HK1: variants seen among roughly 807,000 people sequenced by gnomAD.
The protein encoded by HK1 is hexokinase-1.
A neutral mutation model predicts 91.6 loss-of-function variants in HK1; 28 were observed. The ratio of observed to expected loss-of-function variants is 0.31; its 90% confidence interval spans 0.23 to 0.42. The LOEUF (loss-of-function observed/expected upper bound fraction) is 0.42, where lower values mean the gene tolerates loss of function less well. HK1 is among the 10% of genes least tolerant of loss of function. The pLI, the probability that HK1 is intolerant of heterozygous loss-of-function variation, is 1.00. For missense variants in HK1, 770 were observed against 1,219.8 expected, an observed-to-expected ratio of 0.63 and a Z score of 5.49; for synonymous variants, 430 against 468.1, an observed-to-expected ratio of 0.92 and a Z score of 1.05.
At chr10:69,329,517 C>G (rs1320832662) in intron 1 of HK1, among the ~76,000 whole-genome samples, 3 of 152,056 alleles carry the variant, frequency 2.0e-5, no homozygotes, top group Admixed American at 1.3e-4. Flanking sequence ...CTTGGAAAAC[C>G]CCTGCTTTTA....
intron 1 of HK1, among the ~76,000 whole-genome samples, chr10:69,272,143 C>T (rs576823026): frequency 7.9e-5 from 12 of 152,282 alleles, no homozygotes; most frequent in East Asian, 3.9e-4. Flanking sequence ...GGATTATAGG[C>T]GTGAACCACT....
chr10:69,375,815 C>G (rs998360885), intron 7 of HK1, among the ~76,000 whole-genome samples: 1 of 152,210 alleles, frequency 6.6e-6, no homozygotes, highest in Non-Finnish European at 1.5e-5. Flanking sequence ...TGGCATCGAG[C>G]CCTGGTTCTT....
rs574365325 is a variant in HK1, at chr10:69,340,746, GCAGA to G, written c.64-3078_64-3075del. On this transcript the variant is annotated intron_variant, in intron 1 of 17. Coordinates refer to ENST00000359426, the MANE Select transcript of HK1 (RefSeq NM_000188.3). The stretch of plus-strand genomic sequence containing the variant: ...CGCTTGCTCCTCCATTCTCCACGCA[GCAGA>G]CACACAACTCTCATCATGGTTGTAA... Among the ~76,000 whole-genome samples, 31 of 152,210 alleles carry G rather than the reference GCAGA, an allele frequency of 2.0e-4. No homozygotes were observed. In the East Asian group the frequency reaches 5.6e-3, roughly 27 times the overall value.
chr10:69,310,832 G>C (rs549918054), upstream of HK1, among the ~76,000 whole-genome samples: 21 of 152,046 alleles, frequency 1.4e-4, no homozygotes, highest in Non-Finnish European at 2.6e-4. Flanking sequence ...TGTGGCAGGC[G>C]GATCACCTGA....
chr10:69,347,306 C>T (rs571540672), intron 2 of HK1, among the ~76,000 whole-genome samples: 7 of 151,930 alleles, frequency 4.6e-5, no homozygotes, highest in Admixed American at 1.3e-4. Flanking sequence ...CTACTGCGCC[C>T]GGCCACACAT....
intron 1 of HK1, among the ~76,000 whole-genome samples, chr10:69,328,691 T>G (rs568737615): frequency 1.4e-4 from 22 of 152,204 alleles, no homozygotes; most frequent in Non-Finnish European, 2.9e-4. Flanking sequence ...AGTGTACAAT[T>G]CAGTGGTTTC....
chr10:69,364,472 A>G (rs7909192), intron 3 of HK1, among the ~76,000 whole-genome samples: 112,346 of 151,956 alleles, frequency 0.74, 42,744 homozygotes, highest in East Asian at 0.94. Context: ...CTGGTTTTCT[A>G]TTATTTTTCC....
At position 69,392,213 on chromosome 10, in the gene HK1, G is replaced by C; in HGVS notation, c.2124G>C (p.Glu708Asp). ...AGGGGCAGATGTGCATCAACATGGA[G>C]TGGGGGGCCTTTGGGGACAACGGGT... ...GDQGQMCINM[E>D]WGAFGDNGCL... Residue 708 changes from glutamate (E) to aspartate (D), a missense_variant, in exon 15 of 18, where the codon GAG becomes GAC. Physicochemically the swap from Glu to Asp is conservative, Grantham distance 45. Transcript: ENST00000359426. The C allele has an allele frequency of 3.7e-6, 6 of 1,614,212 alleles. No homozygotes were observed. Among genetic ancestry groups the C allele is most frequent in the Non-Finnish European group, 4.2e-6 (5 of 1,180,036 alleles).
intron 1 of HK1, among the ~76,000 whole-genome samples, chr10:69,339,241 G>A (rs1433105891): frequency 6.6e-6 from 1 of 152,242 alleles, no homozygotes; most frequent in Non-Finnish European, 1.5e-5. Flanking sequence ...CCAGGTGCCT[G>A]CCTGGCTGGG....
In HK1 at chr10:69,343,856, C is replaced by T; in HGVS notation, c.93C>T (p.Leu31=). ...ACAAGTATCTCTATGCCATGCGGCT[C>T]TCCGATGAAACTCTCATAGATATCA... is the stretch of plus-strand genomic sequence containing the variant. The part of the protein sequence containing the change: ...KIDKYLYAMR[L]SDETLIDIMT... Residue 31 remains leucine, a synonymous_variant, in exon 2 of 18, where the codon CTC becomes CTT. Transcript: ENST00000359426. The T allele has an allele frequency of 8.1e-6, 13 of 1,613,956 alleles. No homozygotes were observed. The highest frequency in any genetic ancestry group is 1.1e-5 in the Non-Finnish European group (13 of 1,179,848).
intron 5 of HK1, among the ~76,000 whole-genome samples, chr10:69,308,494 A>C (rs1171976249): frequency 1.3e-5 from 2 of 152,120 alleles, no homozygotes; most frequent in East Asian, 3.9e-4. Context: ...TGGGGGCTGC[A>C]GGCACTGGTA....
chr10:69,385,292 G>A (rs1173018844), intron 12 of HK1, among the ~76,000 whole-genome samples: 1 of 152,182 alleles, frequency 6.6e-6, no homozygotes, highest in Non-Finnish European at 1.5e-5. Flanking sequence ...ATCCCTGCAC[G>A]CCCTAGCACA....
At chr10:69,321,490 T>C (rs1486576997) in intron 1 of HK1, among the ~76,000 whole-genome samples, 3 of 152,256 alleles carry the variant, frequency 2.0e-5, no homozygotes, top group Admixed American at 2.0e-4. Flanking sequence ...CTGAGGATGG[T>C]TCCCCCCCAG....
At position 69,391,328 on chromosome 10, in the gene HK1, G is replaced by A. The variant is rs145864791; in HGVS notation, c.2036-797G>A. Among the ~76,000 whole-genome samples the A allele has an allele frequency of 1.6e-3, 238 of 152,360 alleles. 1 individual carries two copies. The highest frequency in any genetic ancestry group is 6.8e-3 in the Middle Eastern group (2 of 294). On this transcript the variant is annotated intron_variant, in intron 14 of 17. Transcript: ENST00000359426. Reference sequence around the variant, plus strand: ...AGCTTATTGAGCAGGCATAGTCCACGACCAACCATCCTTGTCGAGAAAAGA... The same window carrying A: ...AGCTTATTGAGCAGGCATAGTCCACAACCAACCATCCTTGTCGAGAAAAGA...
intron 4 of HK1, among the ~76,000 whole-genome samples, chr10:69,296,549 A>C (rs1458194525): frequency 6.6e-6 from 1 of 152,232 alleles, no homozygotes; most frequent in East Asian, 1.9e-4. Flanking sequence ...GTTACAACAT[A>C]GGTGAAACGT....
At chr10:69,294,685 A>G (rs543593557) in intron 3 of HK1, among the ~76,000 whole-genome samples, 18 of 127,106 alleles carry the variant, frequency 1.4e-4, no homozygotes, top group Middle Eastern at 3.9e-3. Context: ...GAGAAATCCC[A>G]TCTCTACTAA....
At chr10:69,292,734 G>C (rs949309403) in intron 3 of HK1, among the ~76,000 whole-genome samples, 2 of 152,134 alleles carry the variant, frequency 1.3e-5, no homozygotes, top group African/African-American at 4.8e-5. Flanking sequence ...TTTTCCCCCA[G>C]TTTTCCCCCA....
chr10:69,339,110 G>T (rs2132662354), intron 1 of HK1, among the ~76,000 whole-genome samples: 2 of 152,288 alleles, frequency 1.3e-5, no homozygotes, highest in South Asian at 4.1e-4. Context: ...TCAGTGAAGT[G>T]CTGGGTTCTC....
At chr10:69,385,528 G>A (rs1867972) in intron 12 of HK1, among the ~76,000 whole-genome samples, 35,336 of 152,102 alleles carry the variant, frequency 0.23, 4,584 homozygotes, top group East Asian at 0.46. Flanking sequence ...TGGGCAGAAG[G>A]AACCAATGGT....
Sources: gnomAD v4.1 joint callset for allele counts (sites outside exome capture counted in the v4.1 genomes callset) on GRCh38, gnomAD v4.1.1 for gene constraint, MANE v1.5 for transcripts, NCBI Gene and HGNC (gene_info 2026-07-23, HGNC 2026-07-21) for gene names.